FAM222A: variants seen among roughly 807,000 people sequenced by gnomAD.
The protein encoded by FAM222A is family with sequence similarity 222 member A, also known as protein FAM222A.
Under a neutral mutation model 25.8 loss-of-function variants are expected in FAM222A, and 7 were observed. That is an observed-to-expected ratio of 0.27 (90% CI 0.15 to 0.51). FAM222A has a LOEUF of 0.51. Among genes scored for constraint, FAM222A ranks in the 20% least tolerant of loss-of-function variants. The probability of loss-of-function intolerance (pLI) is 0.97; values close to 1 mark genes in which losing one functional copy is unlikely to be tolerated. For synonymous variants in FAM222A, 294 were observed against 298.8 expected, an observed-to-expected ratio of 0.98 and a Z score of 0.17; for missense variants, 573 against 640.5, an observed-to-expected ratio of 0.89 and a Z score of 1.14.
At chr12:109,735,829 G>A (rs1482022209) in intron 1 of FAM222A, 1 of 152,272 alleles carries the variant, frequency 6.6e-6, no homozygotes, top group Non-Finnish European at 1.5e-5. Context: ...TTGCTGGAAG[G>A]TGATGACGGA....
chr12:109,733,761 A>G (rs949390884), intron 1 of FAM222A, among the ~76,000 whole-genome samples: 65 of 152,148 alleles, frequency 4.3e-4, no homozygotes, highest in African/African-American at 1.3e-3. Flanking sequence ...GGTAGAGGCA[A>G]AACCATAAGT....
At chr12:109,728,370 C>G (rs1887881122) in intron 1 of FAM222A, among the ~76,000 whole-genome samples, 1 of 152,190 alleles carries the variant, frequency 6.6e-6, no homozygotes, top group Non-Finnish European at 1.5e-5. Context: ...GGGATTGTGG[C>G]TTCTGGTGAG....
intron 1 of FAM222A, among the ~76,000 whole-genome samples, chr12:109,725,174 C>T (rs1887816555): frequency 6.6e-6 from 1 of 152,120 alleles, no homozygotes; most frequent in East Asian, 1.9e-4. Flanking sequence ...AGGAGCTTGG[C>T]CAAGGTTACA....
intron 1 of FAM222A, among the ~76,000 whole-genome samples, chr12:109,729,222 G>A (rs1388538055): frequency 7.8e-6 from 1 of 128,132 alleles, no homozygotes; most frequent in Non-Finnish European, 1.6e-5. Flanking sequence ...AGAATTTTAG[G>A]TAGAATTCTA....
At chr12:109,744,738 T>G in intron 2 of FAM222A, 1 of 985,400 alleles carries the variant, frequency 1.0e-6, no homozygotes, top group Non-Finnish European at 1.2e-6. Flanking sequence ...ACGCTCTGAT[T>G]TGGTTATTTT....
At chr12:109,741,888 G>A (rs1352378396) in intron 1 of FAM222A, among the ~76,000 whole-genome samples, 1 of 152,216 alleles carries the variant, frequency 6.6e-6, no homozygotes, top group Non-Finnish European at 1.5e-5. Flanking sequence ...TGGTGAGGGG[G>A]TAAGTGCACC....
chr12:109,767,012 C>T (rs1174923672), intron 2 of FAM222A, among the ~76,000 whole-genome samples: 1 of 151,190 alleles, frequency 6.6e-6, no homozygotes, highest in East Asian at 2.0e-4. Context: ...CCTCCCACCT[C>T]AGCCTCCAAA....
chr12:109,725,425 C>CAT (rs1395881161), intron 1 of FAM222A, among the ~76,000 whole-genome samples: 3 of 116,644 alleles, frequency 2.6e-5, no homozygotes, highest in East Asian at 4.6e-4. Context: ...CTCTCTTCTC[C>CAT]CTCTCCCTCC....
intron 2 of FAM222A, among the ~76,000 whole-genome samples, chr12:109,762,526 C>T (rs1565847417): frequency 6.6e-6 from 1 of 152,262 alleles, no homozygotes; most frequent in Non-Finnish European, 1.5e-5. Context: ...ATCCTTGCCA[C>T]TGCTGAGAAG....
chr12:109,769,985 T>C lies in FAM222A; in HGVS notation c.*697T>C, dbSNP rs1193303736. 1 of 152,306 alleles carries C rather than the reference T, an allele frequency of 6.6e-6. No individual in the cohort carries two copies. Among genetic ancestry groups the C allele is most frequent in the Non-Finnish European group, 1.5e-5 (1 of 68,150 alleles). 9.4% of individuals were successfully genotyped at this position (152,306 alleles called of 1,614,324 possible). ...CATCTTATAGGGCTGCTGGGTACAG[T>C]TGTTCAGGCTGTGCACTGCACAAGG... On this transcript the variant is annotated 3_prime_UTR_variant, in exon 3 of 3. Coordinates refer to ENST00000538780, the MANE Select transcript of FAM222A (RefSeq NM_032829.3).
intron 2 of FAM222A, among the ~76,000 whole-genome samples, chr12:109,754,570 T>C (rs563201272): frequency 2.1e-4 from 32 of 152,292 alleles, no homozygotes; most frequent in African/African-American, 7.7e-4. Flanking sequence ...GCCACAGACA[T>C]ACATAAATGA....
At chr12:109,766,268 T>C (rs1889047825) in intron 2 of FAM222A, among the ~76,000 whole-genome samples, 1 of 152,170 alleles carries the variant, frequency 6.6e-6, no homozygotes, top group South Asian at 2.1e-4. Flanking sequence ...CGGAAAGCTG[T>C]GGGCTGCCCT....
chr12:109,760,979 T>G (rs964466148), intron 2 of FAM222A, among the ~76,000 whole-genome samples: 12 of 152,142 alleles, frequency 7.9e-5, no homozygotes, highest in African/African-American at 2.9e-4. Context: ...GGGGCTCCGA[T>G]GAAGTCATCA....
chr12:109,753,837 G>A (rs1888635362), intron 2 of FAM222A, among the ~76,000 whole-genome samples: 1 of 151,632 alleles, frequency 6.6e-6, no homozygotes, highest in Non-Finnish European at 1.5e-5. Flanking sequence ...AAGAAACAAA[G>A]CAATTTAAAA....
Position 109,744,190 on chromosome 12 carries a change from A to C in FAM222A, c.44A>C (p.His15Pro). The change falls in exon 2 of 3, where the codon CAC becomes CCC. Residue 15 changes from histidine to proline, a missense_variant. Coordinates refer to ENST00000538780, the MANE Select transcript of FAM222A (RefSeq NM_032829.3). ...LQRTQNAPGQ[H>P]LACPSKSLEL... ...AGGACCCAGAACGCCCCGGGCCAAC[A>C]CCTGGCCTGCCCGAGCAAGAGCCTG... 6.2e-7 allele frequency: 1 copy of C among 1,613,350 alleles called. No individual in the cohort carries two copies. The highest frequency in any genetic ancestry group is 1.1e-5 in the South Asian group (1 of 91,068).
At chr12:109,766,955 GCA>G (rs1889068170) in intron 2 of FAM222A, among the ~76,000 whole-genome samples, 1 of 151,916 alleles carries the variant, frequency 6.6e-6, no homozygotes, top group East Asian at 1.9e-4. Context: ...GAATGCAATG[GCA>G]CAGTCACAGC....
intron 1 of FAM222A, among the ~76,000 whole-genome samples, chr12:109,732,385 G>T (rs1887965031): frequency 6.6e-6 from 1 of 152,250 alleles, no homozygotes; most frequent in East Asian, 1.9e-4. Context: ...GTGCATTTGG[G>T]GAGTGTCTGG....
chr12:109,741,795 G>A, intron 1 of FAM222A, among the ~76,000 whole-genome samples: 1 of 152,210 alleles, frequency 6.6e-6, no homozygotes, highest in African/African-American at 2.4e-5. Flanking sequence ...GAGGCAAGGA[G>A]GTTCCAGCCT....
intron 2 of FAM222A, among the ~76,000 whole-genome samples, chr12:109,756,352 C>G (rs1361126717): frequency 1.4e-5 from 2 of 145,870 alleles, no homozygotes; most frequent in Non-Finnish European, 3.0e-5. Context: ...ATAATGTCAT[C>G]TGTGACTAGA....
Sources: gnomAD v4.1 joint callset for allele counts (sites outside exome capture counted in the v4.1 genomes callset) on GRCh38, gnomAD v4.1.1 for gene constraint, MANE v1.5 for transcripts, NCBI Gene and HGNC (gene_info 2026-07-23, HGNC 2026-07-21) for gene names.